The following ATXN2L variants were observed in gnomAD, a reference collection of about 807,000 sequenced individuals.
ATXN2L encodes ataxin 2 like, also known as ataxin-2-like protein.
Under a neutral mutation model 120.7 loss-of-function variants are expected in ATXN2L, and 24 were observed. The observed-to-expected ratio is 0.20, with a 90% CI of 0.14 to 0.28. ATXN2L has a LOEUF of 0.28. Ranked by LOEUF, ATXN2L falls within the 10% of genes least tolerant of loss-of-function variation. The probability of loss-of-function intolerance (pLI) is 1.00; values close to 1 mark genes in which losing one functional copy is unlikely to be tolerated. For missense variants in ATXN2L, 1,312 were observed against 1,432.3 expected, an observed-to-expected ratio of 0.92 and a Z score of 1.36; for synonymous variants, 653 against 568.1, an observed-to-expected ratio of 1.15 and a Z score of -2.13.
rs1400524006 is a variant in ATXN2L, at chr16:28,836,036, C to A, written c.2999C>A (p.Pro1000His). 6.3e-7 allele frequency: 1 copy of A among 1,593,024 alleles called. No individual in the cohort carries two copies. Among genetic ancestry groups the A allele is most frequent in the Non-Finnish European group, 8.6e-7 (1 of 1,167,924 alleles). The part of the protein sequence containing the change: ...LLHPPQSHGG[P>H]PQGAVPQSGV... Reference sequence around the variant, plus strand: ...CACCCACCCCAGAGTCATGGGGGGCCCCCCCAAGGCGCGGTGCCCCAGAGT... The same window carrying A: ...CACCCACCCCAGAGTCATGGGGGGCACCCCCAAGGCGCGGTGCCCCAGAGT... Residue 1000 changes from proline to histidine, a missense_variant, in exon 22 of 22, where the codon CCC becomes CAC. By Grantham distance (77) the Pro-to-His change is moderately conservative. Coordinates refer to ENST00000336783, the MANE Select transcript of ATXN2L (RefSeq NM_007245.4).
chr16:28,833,967 T>A, intron 15 of ATXN2L, 98 bp from the exon 16 acceptor site: 1 of 1,338,018 alleles, frequency 7.5e-7, no homozygotes, highest in South Asian at 1.3e-5. Flanking sequence ...ATATGTTTGG[T>A]ATGCAGCATT....
intron 10 of ATXN2L, among the ~76,000 whole-genome samples, chr16:28,831,588 A>G (rs184562792): frequency 6.6e-6 from 1 of 152,310 alleles, no homozygotes; most frequent in Non-Finnish European, 1.5e-5. Flanking sequence ...TTGGTCTCCC[A>G]AAGTGCTGGG....
intron 1 of ATXN2L, 88 bp from the exon 2 acceptor site, chr16:28,825,278 G>A: frequency 1.7e-6 from 2 of 1,207,404 alleles, no homozygotes; most frequent in Non-Finnish European, 1.2e-6. Context: ...ATCATCAGGT[G>A]GTATATACTT....
intron 10 of ATXN2L, among the ~76,000 whole-genome samples, chr16:28,831,753 G>A (rs1263714541): frequency 6.6e-6 from 1 of 152,120 alleles, no homozygotes; most frequent in African/African-American, 2.4e-5. Flanking sequence ...GCTTGATGGC[G>A]TGCACCTGTA....
chr16:28,830,620 G>A lies in ATXN2L; in HGVS notation c.1040G>A (p.Gly347Glu), dbSNP rs753381722. ...RESPSLASRE[G>E]KYIPLPQRVR... ...TATTTGAACTCTTTCCTCAGGGAGG[G>A]GAAGTATATCCCTCTGCCTCAACGA... is the stretch of plus-strand genomic sequence containing the variant. The change falls in exon 9 of 22, where the codon GGG becomes GAG. Residue 347 changes from glycine (G) to glutamate (E), a missense_variant. Transcript: ENST00000336783. The A allele has an allele frequency of 8.4e-5, 132 of 1,574,292 alleles. No homozygotes were observed. The highest frequency in any genetic ancestry group is 1.1e-4 in the Non-Finnish European group (123 of 1,161,194).
Position 28,835,268 on chromosome 16 carries a change from C to A in ATXN2L, c.2564-10C>A. ...TGCTCAGCACTGGTTCTCCCTCTTT[C>A]CTGCTGCAGCCACTGTTCACCAGTC... On this transcript the variant is annotated splice_polypyrimidine_tract_variant and intron_variant, in intron 19 of 21. Coordinates refer to ENST00000336783, the MANE Select transcript of ATXN2L (RefSeq NM_007245.4). The A allele has an allele frequency of 6.2e-7, 1 of 1,613,892 alleles. No individual in the cohort carries two copies. The highest frequency in any genetic ancestry group is 8.5e-7 in the Non-Finnish European group (1 of 1,179,908).
At chr16:28,835,823 C>T (rs907260465) in intron 21 of ATXN2L, 65 bp downstream of exon 21, 2 of 1,602,974 alleles carry the variant, frequency 1.2e-6, no homozygotes, top group Non-Finnish European at 8.5e-7. Context: ...GGGGACCATC[C>T]CATTGCCAAG....
chr16:28,837,180 T>C lies in ATXN2L; in HGVS notation c.*915T>C, dbSNP rs1394752833. ...ATGGCTGGACAAGGACTTTTACTTT[T>C]TATTACATAAAAATATTAAAAAATA... On this transcript the variant is annotated 3_prime_UTR_variant, in exon 22 of 22. Coordinates refer to ENST00000336783, the MANE Select transcript of ATXN2L (RefSeq NM_007245.4). The C allele has an allele frequency of 5.2e-6, 1 of 191,820 alleles. No individual in the cohort carries two copies. The highest frequency in any genetic ancestry group is 5.9e-5 in the Admixed American group (1 of 16,840). The allele number at this position is 191,820 out of a possible 1,614,324, so 11.9% of individuals were successfully genotyped here.
chr16:28,827,623 G>C (rs984864274), intron 6 of ATXN2L, among the ~76,000 whole-genome samples: 3 of 152,216 alleles, frequency 2.0e-5, no homozygotes, highest in African/African-American at 7.2e-5. Flanking sequence ...TGTAGTCCCA[G>C]CTACTTGGGA....
chr16:28,832,070 C>T, intron 10 of ATXN2L, 135 bp from the exon 11 acceptor site: 1 of 918,782 alleles, frequency 1.1e-6, no homozygotes, highest in Non-Finnish European at 1.6e-6. Flanking sequence ...TGTTACCTGC[C>T]TTGAGCTTCT....
chr16:28,832,384 C>T lies in ATXN2L; in HGVS notation c.1501C>T (p.Leu501=), dbSNP rs769464116. Residue 501 remains leucine, a synonymous_variant, in exon 11 of 22, where the codon CTG becomes TTG. Transcript: ENST00000336783. ...SISPASPKIS[L]APTDVKELST... ...TTCTCCAGCTTCTCCAAAGATCTCCCTGGCCCCCACAGATGGTAAGAGCTA... is the reference window on the plus strand; with the variant it reads ...TTCTCCAGCTTCTCCAAAGATCTCCTTGGCCCCCACAGATGGTAAGAGCTA... 3 of 1,614,046 alleles carry T rather than the reference C, an allele frequency of 1.9e-6. No homozygotes were observed. The highest frequency in any genetic ancestry group is 1.7e-5 in the Admixed American group (1 of 59,996).
chr16:28,823,784 A>G (rs998879622), intron 1 of ATXN2L: 1 of 418,308 alleles, frequency 2.4e-6, no homozygotes, highest in Admixed American at 4.6e-5. Context: ...GGGCCTAGTC[A>G]GGGCTCGCAG....
At chr16:28,826,712 A>T in intron 5 of ATXN2L, 150 bp from the exon 6 acceptor site, 1 of 912,408 alleles carries the variant, frequency 1.1e-6, no homozygotes, top group Non-Finnish European at 1.5e-6. Flanking sequence ...TTGCCTCCCC[A>T]CCCCCTGGCC....
chr16:28,825,769 G>A lies in ATXN2L; in HGVS notation c.394-1G>A. On this transcript the variant is annotated splice_acceptor_variant, in intron 3 of 21. Transcript: ENST00000336783. LOFTEE classifies it high-confidence loss of function. Reference sequence around the variant, plus strand: ...TCTTCTTATTTTTCCCACTCTGCCAGGGCTCCACTTGTGATGTAAAGGTGA... The same window carrying A: ...TCTTCTTATTTTTCCCACTCTGCCAAGGCTCCACTTGTGATGTAAAGGTGA... The A allele has an allele frequency of 6.2e-7, 1 of 1,614,060 alleles. No homozygotes were observed. Among genetic ancestry groups the A allele is most frequent in the Non-Finnish European group, 8.5e-7 (1 of 1,179,952 alleles).
chr16:28,828,590 CAA>C (rs199840308), intron 6 of ATXN2L, among the ~76,000 whole-genome samples: 104 of 123,668 alleles, frequency 8.4e-4, no homozygotes, highest in Non-Finnish European at 1.2e-3. Flanking sequence ...TCTTTGTCTC[CAA>C]AAAAAAAAAA....
At chr16:28,826,585 A>G (rs8062405) in intron 5 of ATXN2L, 195 bp downstream of exon 5, 226,357 of 630,144 alleles carry the variant, frequency 0.36, 42,994 homozygotes, top group Admixed American at 0.45. Context: ...GATGTCTAAT[A>G]TATAATGCGA....
At chr16:28,833,994 T>C (rs2055544200) in intron 15 of ATXN2L, 71 bp from the exon 16 acceptor site, 3 of 1,511,384 alleles carry the variant, frequency 2.0e-6, no homozygotes, top group South Asian at 2.4e-5. Context: ...ATGTTAATTA[T>C]TACCACTCTA....
rs138550733 is a variant in ATXN2L at position 28,834,690 on chromosome 16, A to G, written c.2430A>G (p.Ser810=). 6 of 1,608,800 alleles carry G rather than the reference A, an allele frequency of 3.7e-6. No homozygotes were observed. Among genetic ancestry groups the G allele is most frequent in the Non-Finnish European group, 4.2e-6 (5 of 1,176,660 alleles). Residue 810 remains serine, a synonymous_variant, in exon 18 of 22, where the codon TCA becomes TCG. Transcript: ENST00000336783. ...TGCAGCCCATGGCCCACTACCCCTC[A>G]CAGGTGACTGCGGCCCAGGAGGGCA... is the stretch of plus-strand genomic sequence containing the variant. ...AMMQPMAHYP[S]QPVFAPMLQS...
In ATXN2L at chr16:28,825,853, CAAATT is replaced by C. The variant is rs761619980; in HGVS notation, c.465+13_465+17del. On this transcript the variant is annotated intron_variant, in intron 4 of 21. Transcript: ENST00000336783. ...CGCTAAGCTCAAAGGTCAGTGTACT[CAAATT>C]TAATTATTTTTGGAGTTGCAGAGTA... is the stretch of plus-strand genomic sequence containing the variant. 1.2e-6 allele frequency: 2 copies of C among 1,608,218 alleles called. No homozygotes were observed. Among genetic ancestry groups the C allele is most frequent in the Non-Finnish European group, 1.7e-6 (2 of 1,174,820 alleles).
Sources: allele counts gnomAD v4.1 joint callset (sites outside exome capture counted in the v4.1 genomes callset), GRCh38; gene constraint gnomAD v4.1.1; transcripts MANE v1.5; gene names NCBI Gene and HGNC (gene_info 2026-07-23, HGNC 2026-07-21).